The following FANCC variants were observed in gnomAD, a reference collection of about 807,000 sequenced individuals.
The protein encoded by FANCC is FA complementation group C, also known as Fanconi anemia group C protein.
FANCC carries 55 observed loss-of-function variants against 71.3 expected under a neutral mutation model. The observed-to-expected ratio is 0.77, with a 90% confidence interval of 0.62 to 0.97. The LOEUF is 0.97. Among genes scored for constraint, FANCC ranks in the 50% least tolerant of loss-of-function variants. FANCC has a pLI of 0.00. For synonymous variants in FANCC, 275 were observed against 244.9 expected, an observed-to-expected ratio of 1.12 and a Z score of -1.15; for missense variants, 678 against 670.9, an observed-to-expected ratio of 1.01 and a Z score of -0.12.
At chr9:95,155,850 C>G (rs1006279242) in intron 6 of FANCC, among the ~76,000 whole-genome samples, 11 of 151,626 alleles carry the variant, frequency 7.3e-5, no homozygotes, top group African/African-American at 2.4e-4. Context: ...TCCCTAGTAG[C>G]TGGGATTACA....
intron 1 of FANCC, among the ~76,000 whole-genome samples, chr9:95,282,324 T>A (rs1423694611): frequency 1.3e-5 from 2 of 152,128 alleles, no homozygotes; most frequent in Non-Finnish European, 2.9e-5. Context: ...ATTATATTAA[T>A]ATATGATAAT....
intron 4 of FANCC, among the ~76,000 whole-genome samples, chr9:95,210,790 A>C (rs916970617): frequency 2.0e-5 from 3 of 152,176 alleles, no homozygotes; most frequent in Non-Finnish European, 2.9e-5. Context: ...AATTTGTTTC[A>C]ACTTAACAAT....
chr9:95,291,967 A>AAT (rs34066396), intron 1 of FANCC, among the ~76,000 whole-genome samples: 914 of 50,332 alleles, frequency 0.018, 58 homozygotes, highest in African/African-American at 0.056. Flanking sequence ...AAAAAAAAAA[A>AAT]ATATATATAT....
At chr9:95,230,043 C>T (rs913667304) in intron 4 of FANCC, among the ~76,000 whole-genome samples, 5 of 152,114 alleles carry the variant, frequency 3.3e-5, no homozygotes, top group African/African-American at 1.2e-4. Context: ...AATATAATGT[C>T]TGAAAAGCTG....
chr9:95,212,155 T>G (rs1475218426), intron 4 of FANCC, among the ~76,000 whole-genome samples: 1 of 152,062 alleles, frequency 6.6e-6, no homozygotes, highest in African/African-American at 2.4e-5. Context: ...ACTGATAGAA[T>G]TCAAGTCCTA....
intron 1 of FANCC, among the ~76,000 whole-genome samples, chr9:95,255,089 G>A (rs1831577277): frequency 6.6e-6 from 1 of 152,160 alleles, no homozygotes; most frequent in Non-Finnish European, 1.5e-5. Flanking sequence ...CCATCTCCCT[G>A]AGACAGAGCA....
chr9:95,127,460 C>CA (rs1258318578), intron 8 of FANCC: 7 of 152,354 alleles, frequency 4.6e-5, no homozygotes, highest in Non-Finnish European at 8.8e-5. Flanking sequence ...CTCAGATCAT[C>CA]AGAGGACAAC....
intron 4 of FANCC, among the ~76,000 whole-genome samples, chr9:95,191,509 G>A (rs557066224): frequency 1.3e-5 from 2 of 151,584 alleles, no homozygotes; most frequent in African/African-American, 4.8e-5. Context: ...TACTTCTATA[G>A]GGTGACCACA....
intron 13 of FANCC, chr9:95,110,222 G>A: frequency 1.0e-6 from 1 of 996,784 alleles, no homozygotes; most frequent in Non-Finnish European, 1.2e-6. Context: ...GAACTTTCTA[G>A]AAATTAAGTG....
Position 95,296,792 on chromosome 9 carries a change from T to C in FANCC, c.-79+20734A>G, listed in dbSNP as rs1019393182. Among the ~76,000 whole-genome samples, 32 of 152,220 alleles carry C rather than the reference T, an allele frequency of 2.1e-4. 1 individual carries two copies. The highest frequency in any genetic ancestry group is 5.9e-5 in the Non-Finnish European group (4 of 68,040). ...CACACTCAAGATAGTCACAACTGGA[T>C]TGAAGCGGGCTAGCTCTCATCTACA... On this transcript the variant is annotated intron_variant, in intron 1 of 14. Transcript: ENST00000289081.
chr9:95,224,142 A>T (rs930261425), intron 4 of FANCC, among the ~76,000 whole-genome samples: 2 of 152,228 alleles, frequency 1.3e-5, no homozygotes, highest in Admixed American at 6.5e-5. Context: ...CACTAAAAAT[A>T]GTAGAGAAGT....
At chr9:95,113,012 T>C (rs1275299914) in intron 12 of FANCC, among the ~76,000 whole-genome samples, 1 of 152,144 alleles carries the variant, frequency 6.6e-6, no homozygotes, top group Non-Finnish European at 1.5e-5. Context: ...AATCACAGGG[T>C]GGGCTGTTTA....
intron 6 of FANCC, among the ~76,000 whole-genome samples, chr9:95,158,906 G>A (rs1325472328): frequency 6.6e-6 from 1 of 152,150 alleles, no homozygotes; most frequent in Admixed American, 6.5e-5. Flanking sequence ...TCTTAATCTA[G>A]TCAAGAGAAA....
chr9:95,314,372 G>A (rs1253077807), intron 1 of FANCC, among the ~76,000 whole-genome samples: 2 of 152,052 alleles, frequency 1.3e-5, no homozygotes, highest in African/African-American at 2.4e-5. Flanking sequence ...ACTTGCTTTC[G>A]GCCGGGCGCA....
chr9:95,203,086 AATTT>A (rs1827898114), intron 4 of FANCC, among the ~76,000 whole-genome samples: 1 of 152,162 alleles, frequency 6.6e-6, no homozygotes, highest in Non-Finnish European at 1.5e-5. Flanking sequence ...TTTGCTTGAT[AATTT>A]ATTTATAAAA....
chr9:95,301,817 C>T lies in FANCC; in HGVS notation c.-79+15709G>A, dbSNP rs149215247. ...AAAAGGCCTGGCGCGGTGGCTCACGCCTGTAATCCCAGCATTTTGGGAGGC... is the reference window on the plus strand; with the variant it reads ...AAAAGGCCTGGCGCGGTGGCTCACGTCTGTAATCCCAGCATTTTGGGAGGC... On this transcript the variant is annotated intron_variant, in intron 1 of 14. Coordinates refer to ENST00000289081, the MANE Select transcript of FANCC (RefSeq NM_000136.3). Among the ~76,000 whole-genome samples the T allele has an allele frequency of 5.6e-3, 846 of 151,790 alleles. 9 individuals carry two copies. The highest frequency in any genetic ancestry group is 0.019 in the African/African-American group (805 of 41,420).
chr9:95,138,328 G>A (rs1828039581), intron 7 of FANCC, among the ~76,000 whole-genome samples: 1 of 152,234 alleles, frequency 6.6e-6, no homozygotes, highest in South Asian at 2.1e-4. Context: ...CGCCGTGCCT[G>A]TGCTTATGCC....
At chr9:95,228,257 C>T (rs1369510306) in intron 4 of FANCC, among the ~76,000 whole-genome samples, 1 of 152,222 alleles carries the variant, frequency 6.6e-6, no homozygotes, top group Admixed American at 6.5e-5. Context: ...CATTACAACA[C>T]TCTCGCAGCA....
At chr9:95,111,272 G>GT in intron 13 of FANCC, 191 bp downstream of exon 13, 5 of 1,554,082 alleles carry the variant, frequency 3.2e-6, no homozygotes, top group Non-Finnish European at 4.3e-6. Context: ...GGCCACCTCG[G>GT]TGGGGACAGG....
Sources: allele counts gnomAD v4.1 joint callset (sites outside exome capture counted in the v4.1 genomes callset), GRCh38; gene constraint gnomAD v4.1.1; transcripts MANE v1.5; gene names NCBI Gene and HGNC (gene_info 2026-07-23, HGNC 2026-07-21).